Variants in KLF7 observed in about 807,000 individuals in gnomAD.
KLF7 encodes KLF transcription factor 7, also known as Krueppel-like factor 7.
KLF7 carries 2 observed loss-of-function variants against 27.3 expected under a neutral mutation model. That is an observed-to-expected ratio of 0.07 (90% CI 0.03 to 0.23). The LOEUF is 0.23. Ranked by LOEUF, KLF7 falls within the 10% of genes least tolerant of loss-of-function variation. The pLI is 1.00. For missense variants in KLF7, 221 were observed against 394.1 expected (o/e 0.56, Z 3.72); for synonymous variants, 165 against 162.4 (o/e 1.02, Z -0.12).
intron 2 of KLF7, among the ~76,000 whole-genome samples, chr2:207,098,826 C>T (rs2076691590): frequency 7.5e-6 from 1 of 133,498 alleles, no homozygotes; most frequent in Non-Finnish European, 1.5e-5. Context: ...CCCAATGCTG[C>T]ACAGGCCGGT....
chr2:207,076,112 C>T lies in KLF7; in HGVS notation c.*5101G>A, dbSNP rs2076172528. ...TCCGAAACGTCAGTAGCCTGTTTTC[C>T]TTCCGTGAAGGTACGACAGGTACAT... is the stretch of plus-strand genomic sequence containing the variant. On this transcript the variant is annotated 3_prime_UTR_variant, in exon 4 of 4. Transcript: ENST00000309446. 6.6e-6 allele frequency: 1 copy of T among 152,084 alleles called. No individual in the cohort carries two copies. The highest frequency in any genetic ancestry group is 2.1e-4 in the South Asian group (1 of 4,816). The allele number at this position is 152,084 out of a possible 1,614,324, so 9.4% of individuals were successfully genotyped here.
At chr2:207,147,270 A>G (rs997053031) in intron 1 of KLF7, among the ~76,000 whole-genome samples, 1 of 152,206 alleles carries the variant, frequency 6.6e-6, no homozygotes, top group African/African-American at 2.4e-5. Context: ...ACAGGATAAC[A>G]TAAGTGGTCC....
chr2:207,094,961 G>C (rs1440884713), intron 2 of KLF7, among the ~76,000 whole-genome samples: 1 of 147,746 alleles, frequency 6.8e-6, no homozygotes, highest in Non-Finnish European at 1.5e-5. Context: ...CGAGGTCCAA[G>C]TACCTGAGTT....
intron 2 of KLF7, among the ~76,000 whole-genome samples, chr2:207,103,249 G>T (rs1263609): frequency 6.6e-6 from 1 of 151,888 alleles, no homozygotes; most frequent in Admixed American, 6.6e-5. Flanking sequence ...TTAAAGGTAG[G>T]GACATCCCCT....
chr2:207,088,391 G>A, intron 3 of KLF7, 67 bp downstream of exon 3: 4 of 1,552,824 alleles, frequency 2.6e-6, no homozygotes, highest in Non-Finnish European at 3.5e-6. Flanking sequence ...GCACACGGGT[G>A]CTGCTCACCC....
At chr2:207,172,271 G>A in the KLF7 span, among the ~76,000 whole-genome samples, 1 of 152,134 alleles carries the variant, frequency 6.6e-6, no homozygotes, top group African/African-American at 2.4e-5. Flanking sequence ...AGAGGCCAAA[G>A]AGAATCTGAA....
At chr2:207,123,693 A>C in intron 2 of KLF7, 81 bp downstream of exon 2, 1 of 1,470,908 alleles carries the variant, frequency 6.8e-7, no homozygotes, top group Non-Finnish European at 9.2e-7. Context: ...GCCACTCCTC[A>C]GAACAAAGAG....
At position 207,111,654 on chromosome 2, in the gene KLF7, C is replaced by T. The variant is rs112377263; in HGVS notation, c.733+12120G>A. On this transcript the variant is annotated intron_variant, in intron 2 of 3. Coordinates refer to ENST00000309446, the MANE Select transcript of KLF7 (RefSeq NM_003709.4). ...GGGTTGAAGCAACTCCATGGAATAC[C>T]TCCTTTCTTCATTCCCCAAAGCATG... Among the ~76,000 whole-genome samples, 6 of 152,268 alleles carry T rather than the reference C, an allele frequency of 3.9e-5. 1 individual carries two copies. Among genetic ancestry groups the T allele is most frequent in the African/African-American group, 1.4e-4 (6 of 41,554 alleles).
rs1458006697 is a variant in KLF7, at chr2:207,125,373, G to C, written c.103-969C>G. Reference sequence around the variant, plus strand: ...CTCACTCAAAAATCCTACAATTCCAGAATCTTGTATAAAACTATGTTGCTA... The same window carrying C: ...CTCACTCAAAAATCCTACAATTCCACAATCTTGTATAAAACTATGTTGCTA... On this transcript the variant is annotated intron_variant, in intron 1 of 3. Coordinates refer to ENST00000309446, the MANE Select transcript of KLF7 (RefSeq NM_003709.4). Among the ~76,000 whole-genome samples, 2 of 152,134 alleles carry C rather than the reference G, an allele frequency of 1.3e-5. 1 individual carries two copies. Among genetic ancestry groups the C allele is most frequent in the African/African-American group, 4.8e-5 (2 of 41,418 alleles).
At chr2:207,122,903 G>GC (rs1356730509) in intron 2 of KLF7, among the ~76,000 whole-genome samples, 1 of 152,122 alleles carries the variant, frequency 6.6e-6, no homozygotes, top group Non-Finnish European at 1.5e-5. Flanking sequence ...ATTGCTACTA[G>GC]CATCCTAGTA....
At chr2:207,167,811 A>G (rs1003606379), upstream of KLF7, among the ~76,000 whole-genome samples, 2 of 152,204 alleles carry the variant, frequency 1.3e-5, no homozygotes, top group Non-Finnish European at 2.9e-5. Context: ...CGCGTTGTCT[A>G]GTTGTTATGA....
intron 1 of KLF7, among the ~76,000 whole-genome samples, chr2:207,137,859 G>C (rs2077831992): frequency 6.6e-6 from 1 of 152,190 alleles, no homozygotes; most frequent in South Asian, 2.1e-4. Flanking sequence ...AAAGATGAGG[G>C]AGAGGGGAAG....
intron 3 of KLF7, among the ~76,000 whole-genome samples, chr2:207,085,261 G>A (rs1050541547): frequency 4.6e-5 from 7 of 150,638 alleles, no homozygotes; most frequent in African/African-American, 9.8e-5. Flanking sequence ...GCTAAGATAC[G>A]GGCTGGTATT....
chr2:207,122,247 G>A (rs1269822840), intron 2 of KLF7, among the ~76,000 whole-genome samples: 2 of 152,096 alleles, frequency 1.3e-5, no homozygotes, highest in Non-Finnish European at 2.9e-5. Flanking sequence ...CCATGAGTGG[G>A]TCTCTATGCC....
intron 3 of KLF7, among the ~76,000 whole-genome samples, chr2:207,087,982 C>A (rs902870710): frequency 2.0e-5 from 3 of 152,186 alleles, no homozygotes; most frequent in African/African-American, 7.2e-5. Context: ...CAGTACAATT[C>A]ATTTCCAATA....
intron 1 of KLF7, among the ~76,000 whole-genome samples, chr2:207,154,217 A>G (rs760784844): frequency 5.9e-5 from 9 of 152,252 alleles, no homozygotes; most frequent in Non-Finnish European, 1.3e-4. Context: ...CATAAGCTGC[A>G]GTAAGCTCAG....
chr2:207,109,777 GC>G (rs2076978004), intron 2 of KLF7, among the ~76,000 whole-genome samples: 1 of 152,044 alleles, frequency 6.6e-6, no homozygotes, highest in South Asian at 2.1e-4. Flanking sequence ...GCATCTTCAG[GC>G]CATCAAGATA....
upstream of KLF7, chr2:207,167,094 C>G (rs946273240): frequency 5.2e-5 from 73 of 1,392,716 alleles, no homozygotes; most frequent in Non-Finnish European, 6.0e-5. Flanking sequence ...GGGGCGCAAG[C>G]TGGAGCCGGC....
intron 2 of KLF7, among the ~76,000 whole-genome samples, chr2:207,103,274 C>A (rs555990274): frequency 6.6e-6 from 1 of 152,120 alleles, no homozygotes; most frequent in African/African-American, 2.4e-5. Context: ...TTTTCACTTT[C>A]GAAATATCTG....
Sources: allele counts gnomAD v4.1 joint callset (sites outside exome capture counted in the v4.1 genomes callset), GRCh38; gene constraint gnomAD v4.1.1; transcripts MANE v1.5; gene names NCBI Gene and HGNC (gene_info 2026-07-23, HGNC 2026-07-21).